Variants in IL20RA observed in about 807,000 individuals in gnomAD.
IL20RA encodes the protein interleukin 20 receptor subunit alpha, also known as interleukin-20 receptor subunit alpha.
A neutral mutation model predicts 36.5 loss-of-function variants in IL20RA; 29 were observed. The ratio of observed to expected loss-of-function variants is 0.79; its 90% CI spans 0.59 to 1.08. The LOEUF (loss-of-function observed/expected upper bound fraction) is 1.08. Ranked by LOEUF, IL20RA falls within the 50% of genes least tolerant of loss-of-function variation. The pLI, the probability that IL20RA is intolerant of heterozygous loss-of-function variation, is 0.00. For synonymous variants in IL20RA, 279 were observed against 267.1 expected (o/e 1.04, Z -0.43); for missense variants, 652 against 668.4 (o/e 0.98, Z 0.27).
intron 2 of IL20RA, 50 bp downstream of exon 2, chr6:137,016,918 G>A: frequency 6.6e-7 from 1 of 1,519,924 alleles, no homozygotes; most frequent in Non-Finnish European, 9.1e-7. Context: ...ATTCACAAGA[G>A]TCTGAGTCTT....
In IL20RA at chr6:137,001,767, G is replaced by C. The variant is rs772992669; in HGVS notation, c.1453C>G (p.Gln485Glu). 1 of 1,612,194 alleles carries C rather than the reference G, an allele frequency of 6.2e-7. No individual in the cohort carries two copies. The highest frequency in any genetic ancestry group is 8.5e-7 in the Non-Finnish European group (1 of 1,178,634). ...GAAGGAATACACAGCCTGCCAGTTTGGGGATCCCAGTCGACCAGGGTCGTC... is the reference window on the plus strand; with the variant it reads ...GAAGGAATACACAGCCTGCCAGTTTCGGGATCCCAGTCGACCAGGGTCGTC... ...PSTTLVDWDP[Q>E]TGRLCIPSLS... Residue 485 changes from glutamine (Q) to glutamate (E), a missense_variant, in exon 7 of 7, where the codon CAA becomes GAA. Coordinates refer to ENST00000316649, the MANE Select transcript of IL20RA (RefSeq NM_014432.4).
chr6:137,011,392 A>G lies in IL20RA; in HGVS notation c.285T>C (p.Cys95=). 1 of 1,613,876 alleles carries G rather than the reference A, an allele frequency of 6.2e-7. No individual in the cohort carries two copies. The highest frequency in any genetic ancestry group is 8.5e-7 in the Non-Finnish European group (1 of 1,179,766). The change falls in exon 3 of 7, where the codon TGT becomes TGC. Residue 95 remains cysteine (C), a synonymous_variant. Transcript: ENST00000316649. ...SECRNINRTY[C]DLSAETSDYE... is the part of the protein sequence containing the mutation. Reference sequence around the variant, plus strand: ...AGTCAGAAGTTTCAGCAGAAAGATCACAGTAGGTTCTATTGATATTTCTGC... The same window carrying G: ...AGTCAGAAGTTTCAGCAGAAAGATCGCAGTAGGTTCTATTGATATTTCTGC...
chr6:137,018,073 C>T (rs1003336229), intron 1 of IL20RA, among the ~76,000 whole-genome samples: 1 of 152,198 alleles, frequency 6.6e-6, no homozygotes, highest in Non-Finnish European at 1.5e-5. Context: ...CAAATATGCA[C>T]ATTCTAGTCA....
At chr6:137,039,664 G>A (rs997068496) in intron 1 of IL20RA, among the ~76,000 whole-genome samples, 1 of 152,190 alleles carries the variant, frequency 6.6e-6, no homozygotes, top group African/African-American at 2.4e-5. Context: ...CAATGACAGT[G>A]TAAGTACAAC....
chr6:137,037,628 A>G (rs1197627630), intron 1 of IL20RA, among the ~76,000 whole-genome samples: 1 of 152,156 alleles, frequency 6.6e-6, no homozygotes, highest in Non-Finnish European at 1.5e-5. Flanking sequence ...GGGTAAATGA[A>G]CCTTCCAAGG....
intron 5 of IL20RA, among the ~76,000 whole-genome samples, chr6:137,005,120 C>A (rs79958871): frequency 0.026 from 3,897 of 152,290 alleles, 184 homozygotes; most frequent in African/African-American, 0.087. Flanking sequence ...TCAAGTAAGT[C>A]ACAGAATTTC....
intron 1 of IL20RA, among the ~76,000 whole-genome samples, chr6:137,031,590 C>A (rs970923246): frequency 9.2e-5 from 14 of 152,148 alleles, no homozygotes; most frequent in Non-Finnish European, 2.9e-5. Context: ...TAGGCTATTT[C>A]ATTTAGGTTT....
intron 1 of IL20RA, among the ~76,000 whole-genome samples, chr6:137,026,829 A>G (rs1776104080): frequency 6.6e-6 from 1 of 152,128 alleles, no homozygotes; most frequent in African/African-American, 2.4e-5. Context: ...GAAAAATATT[A>G]ATTGATCTCC....
rs1230961463 is a variant in IL20RA at position 137,013,602 on chromosome 6, A to ACT, written c.225-2152_225-2151dup. Among the ~76,000 whole-genome samples the ACT allele has an allele frequency of 2.0e-5, 3 of 152,032 alleles. No individual in the cohort carries two copies. The East Asian group carries it at 5.8e-4, about 29-fold the overall frequency. On this transcript the variant is annotated intron_variant, in intron 2 of 6. Transcript: ENST00000316649. ...AAACAGCATTCCTGGGATTTGAACC[A>ACT]CTCTTCCCTGACGCCAAAACTTCTG...
intron 1 of IL20RA, among the ~76,000 whole-genome samples, chr6:137,022,127 T>A (rs544280754): frequency 6.6e-6 from 1 of 152,208 alleles, no homozygotes; most frequent in South Asian, 2.1e-4. Context: ...TATTAATCTA[T>A]GATATTAATA....
chr6:137,036,192 A>G (rs890093027), intron 1 of IL20RA, among the ~76,000 whole-genome samples: 20 of 152,240 alleles, frequency 1.3e-4, no homozygotes, highest in Non-Finnish European at 4.4e-5. Flanking sequence ...CATTGGACAC[A>G]GACTCCTAAA....
chr6:137,042,049 C>T (rs917752657), intron 1 of IL20RA, among the ~76,000 whole-genome samples: 1 of 152,132 alleles, frequency 6.6e-6, no homozygotes, highest in African/African-American at 2.4e-5. Context: ...TAGGGAAGAC[C>T]TTCTTGAGGG....
intron 1 of IL20RA, among the ~76,000 whole-genome samples, chr6:137,032,010 G>A (rs1406222670): frequency 4.3e-5 from 6 of 139,982 alleles, no homozygotes; most frequent in African/African-American, 1.6e-4. Context: ...CCAAGATCGT[G>A]CCACTGCACT....
intron 5 of IL20RA, among the ~76,000 whole-genome samples, chr6:137,006,713 T>C (rs1386542794): frequency 6.7e-6 from 1 of 149,224 alleles, no homozygotes; most frequent in Non-Finnish European, 1.5e-5. Flanking sequence ...TATTATTCCG[T>C]TAATTTTTCT....
At position 137,009,363 on chromosome 6, in the gene IL20RA, T is replaced by C; in HGVS notation, c.533A>G (p.Asn178Ser). ...LPVSMQQIYSNLKYNVSVLNT... is the reference protein window; with the variant it reads ...LPVSMQQIYSSLKYNVSVLNT... ...CAACACAGACACGTTATACTTCAGA[T>C]TGGAGTATATTTGTTGCATGGAAAC... The change falls in exon 4 of 7, where the codon AAT (asparagine) becomes AGT (serine). Residue 178 changes from asparagine to serine, a missense_variant. Physicochemically the swap from Asn to Ser is conservative, Grantham distance 46. Coordinates refer to ENST00000316649, the MANE Select transcript of IL20RA (RefSeq NM_014432.4). 2 of 1,612,646 alleles carry C rather than the reference T, an allele frequency of 1.2e-6. No homozygotes were observed. The highest frequency in any genetic ancestry group is 1.1e-5 in the South Asian group (1 of 91,048).
chr6:137,007,471 C>G (rs771950), intron 5 of IL20RA, among the ~76,000 whole-genome samples: 130,855 of 152,226 alleles, frequency 0.86, 59,627 homozygotes, highest in East Asian at 1. Flanking sequence ...TGGAGGTCGT[C>G]GGCCTCTGTC....
In IL20RA at chr6:137,001,925, A is replaced by G; in HGVS notation, c.1295T>C (p.Leu432Ser). The change falls in exon 7 of 7, where the codon TTG (leucine) becomes TCG (serine). Residue 432 changes from leucine to serine, a missense_variant. Physicochemically the swap from Leu to Ser is moderately radical, Grantham distance 145. Transcript: ENST00000316649. ...QEEVSTQGTL[L>S]ESQAALAVLG... Reference sequence around the variant, plus strand: ...GACTGCCAACGCTGCCTGCGACTCCAATAATGTTCCTTGTGTGGACACCTC... The same window carrying G: ...GACTGCCAACGCTGCCTGCGACTCCGATAATGTTCCTTGTGTGGACACCTC... 1 of 1,614,126 alleles carries G rather than the reference A, an allele frequency of 6.2e-7. No homozygotes were observed. Among genetic ancestry groups the G allele is most frequent in the East Asian group, 2.2e-5 (1 of 44,890 alleles).
At chr6:137,044,302 C>T in intron 1 of IL20RA, 1 of 1,019,164 alleles carries the variant, frequency 9.8e-7, no homozygotes, top group African/African-American at 1.7e-5. Context: ...GCATGGTAAC[C>T]GTCCCCGACC....
chr6:137,007,702 A>G (rs1775327480), intron 5 of IL20RA, among the ~76,000 whole-genome samples: 1 of 152,210 alleles, frequency 6.6e-6, no homozygotes, highest in Non-Finnish European at 1.5e-5. Flanking sequence ...CCCAGTGTAG[A>G]AAATGTGAAG....
Sources: gnomAD v4.1 joint callset for allele counts (sites outside exome capture counted in the v4.1 genomes callset) on GRCh38, gnomAD v4.1.1 for gene constraint, MANE v1.5 for transcripts, NCBI Gene and HGNC (gene_info 2026-07-23, HGNC 2026-07-21) for gene names.